The following ZNF385D variants were observed in gnomAD, a reference collection of about 807,000 sequenced individuals.
ZNF385D encodes the protein zinc finger protein 659.
A neutral mutation model predicts 35.8 loss-of-function variants in ZNF385D; 15 were observed. The observed-to-expected ratio is 0.42, with a 90% confidence interval of 0.28 to 0.64. ZNF385D has a LOEUF of 0.64. Ranked by LOEUF, ZNF385D falls within the 30% of genes least tolerant of loss-of-function variation. ZNF385D has a pLI of 0.23. For synonymous variants in ZNF385D, 212 were observed against 186.8 expected, an observed-to-expected ratio of 1.13 and a Z score of -1.10; for missense variants, 474 against 494.6, an observed-to-expected ratio of 0.96 and a Z score of 0.39.
At chr3:22,312,894 A>G (rs1277172548) in intron 2 of ZNF385D, among the ~76,000 whole-genome samples, 1 of 129,316 alleles carries the variant, frequency 7.7e-6, no homozygotes, top group African/African-American at 3.2e-5. Flanking sequence ...CAGCCATCCC[A>G]TTACTGGGTA....
intron 3 of ZNF385D, among the ~76,000 whole-genome samples, chr3:22,032,459 T>C (rs1576191423): frequency 6.6e-6 from 1 of 152,144 alleles, no homozygotes; most frequent in Non-Finnish European, 1.5e-5. Context: ...TGGAGGAAAC[T>C]ATGCCCATGA....
At chr3:21,969,348 G>T (rs931813686) in intron 3 of ZNF385D, among the ~76,000 whole-genome samples, 1 of 152,098 alleles carries the variant, frequency 6.6e-6, no homozygotes, top group South Asian at 2.1e-4. Flanking sequence ...CTGTGCTCAT[G>T]GTAGGGAGTT....
At chr3:22,159,329 T>G (rs1405963513) in intron 3 of ZNF385D, among the ~76,000 whole-genome samples, 5 of 152,106 alleles carry the variant, frequency 3.3e-5, no homozygotes, top group African/African-American at 4.8e-5. Flanking sequence ...TCTCTTTTCT[T>G]TTTTGGCTTC....
chr3:22,283,658 G>A (rs1701881094), intron 2 of ZNF385D, among the ~76,000 whole-genome samples: 1 of 152,146 alleles, frequency 6.6e-6, no homozygotes, highest in Non-Finnish European at 1.5e-5. Flanking sequence ...TTGTGCATCT[G>A]AAATCACGGG....
intron 3 of ZNF385D, among the ~76,000 whole-genome samples, chr3:21,822,393 GA>G (rs564430998): frequency 2.0e-3 from 306 of 152,246 alleles, no homozygotes; most frequent in South Asian, 6.8e-3. Flanking sequence ...ACTTTGAAAT[GA>G]AAAGAAAACT....
At chr3:22,091,316 C>G (rs567628371) in intron 3 of ZNF385D, among the ~76,000 whole-genome samples, 2 of 152,228 alleles carry the variant, frequency 1.3e-5, no homozygotes, top group African/African-American at 4.8e-5. Flanking sequence ...AGTGAAGAAA[C>G]TTGAGCAGCT....
chr3:22,113,710 T>C (rs1304659124), intron 3 of ZNF385D, among the ~76,000 whole-genome samples: 4 of 151,936 alleles, frequency 2.6e-5, no homozygotes, highest in Non-Finnish European at 5.9e-5. Flanking sequence ...ACAAAAAAGA[T>C]ACACAGATAC....
In ZNF385D at chr3:21,413,224, A is replaced by G. The variant is rs1370208865; in HGVS notation, c.*7990T>C. 6.6e-6 allele frequency: 1 copy of G among 152,070 alleles called. No homozygotes were observed. The highest frequency in any genetic ancestry group is 1.5e-5 in the Non-Finnish European group (1 of 67,970). The allele number at this position is 152,070 out of a possible 1,614,324, so 9.4% of individuals were successfully genotyped here. A position where few individuals can be genotyped will look rare whatever the true frequency, so the allele number is the denominator to read the frequency against. On this transcript the variant is annotated 3_prime_UTR_variant, in exon 8 of 8. Coordinates refer to ENST00000281523, the MANE Select transcript of ZNF385D (RefSeq NM_024697.3). ...TAGAACTCTGATGAAAGGTTTATTCAGTAAGATTTGACGAGATGTAAAAAG... is the reference window on the plus strand; with the variant it reads ...TAGAACTCTGATGAAAGGTTTATTCGGTAAGATTTGACGAGATGTAAAAAG...
intron 3 of ZNF385D, among the ~76,000 whole-genome samples, chr3:21,928,247 AAAGG>A (rs1473212433): frequency 1.5e-5 from 2 of 137,518 alleles, no homozygotes; most frequent in African/African-American, 2.7e-5. Flanking sequence ...CGGAAGGAAG[AAAGG>A]AAGGAAGAAG....
chr3:21,463,567 C>T (rs1464288369), intron 4 of ZNF385D, among the ~76,000 whole-genome samples: 1 of 152,090 alleles, frequency 6.6e-6, no homozygotes, highest in Non-Finnish European at 1.5e-5. Flanking sequence ...CTGTGAAGCC[C>T]CTTCACATCT....
At chr3:21,772,942 T>G (rs543466270) in intron 3 of ZNF385D, among the ~76,000 whole-genome samples, 1 of 151,840 alleles carries the variant, frequency 6.6e-6, no homozygotes, top group Non-Finnish European at 1.5e-5. Flanking sequence ...CTAAGTGAAA[T>G]AGCCAATCAC....
At chr3:22,227,366 G>A (rs1177657898) in intron 2 of ZNF385D, among the ~76,000 whole-genome samples, 1 of 152,084 alleles carries the variant, frequency 6.6e-6, no homozygotes, top group East Asian at 1.9e-4. Context: ...ATCTGATTGT[G>A]TGTCATAAGA....
intron 2 of ZNF385D, among the ~76,000 whole-genome samples, chr3:22,327,312 T>C (rs1162702100): frequency 1.3e-5 from 2 of 152,182 alleles, no homozygotes; most frequent in African/African-American, 2.4e-5. Flanking sequence ...GGATACTTTC[T>C]GTAAAATAAG....
At chr3:21,568,199 AC>A (rs1161496932) in intron 2 of ZNF385D, among the ~76,000 whole-genome samples, 1 of 143,326 alleles carries the variant, frequency 7.0e-6, no homozygotes, top group African/African-American at 2.6e-5. Flanking sequence ...TAAATCATTC[AC>A]ACGTATATAT....
At chr3:22,007,277 A>G (rs1200416456) in intron 3 of ZNF385D, among the ~76,000 whole-genome samples, 1 of 152,212 alleles carries the variant, frequency 6.6e-6, no homozygotes, top group Non-Finnish European at 1.5e-5. Context: ...TTTTAAATCA[A>G]CATTATATCC....
chr3:21,807,013 A>G (rs2125698046), intron 3 of ZNF385D, among the ~76,000 whole-genome samples: 1 of 152,324 alleles, frequency 6.6e-6, no homozygotes, highest in South Asian at 2.1e-4. Flanking sequence ...ATTTGAATCC[A>G]GTTCATTTCA....
At chr3:22,091,344 T>C (rs183868509) in intron 3 of ZNF385D, among the ~76,000 whole-genome samples, 7 of 152,258 alleles carry the variant, frequency 4.6e-5, no homozygotes, top group Non-Finnish European at 1.0e-4. Context: ...CCAGATACTG[T>C]AGGGGATTCT....
At chr3:22,135,578 C>A (rs771546440) in intron 3 of ZNF385D, among the ~76,000 whole-genome samples, 26 of 152,126 alleles carry the variant, frequency 1.7e-4, no homozygotes, top group Admixed American at 4.6e-4. Context: ...GGGTTTAATG[C>A]ATTCTTATCC....
chr3:22,030,285 A>ATATATGTATATATATATATGTATG (rs1553591345), intron 3 of ZNF385D, among the ~76,000 whole-genome samples: 1 of 86,734 alleles, frequency 1.2e-5, no homozygotes, highest in African/African-American at 5.7e-5. Flanking sequence ...ATATATATAT[A>ATATATGTATATATATATATGTATG]TATATATATA....
Sources: gnomAD v4.1 joint callset for allele counts (sites outside exome capture counted in the v4.1 genomes callset) on GRCh38, gnomAD v4.1.1 for gene constraint, MANE v1.5 for transcripts, NCBI Gene and HGNC (gene_info 2026-07-23, HGNC 2026-07-21) for gene names.